Variants in LGSN observed in about 807,000 individuals in gnomAD.
LGSN encodes lengsin, lens protein with glutamine synthetase domain, also known as lengsin.
LGSN carries 21 observed loss-of-function variants against 19.5 expected under a neutral mutation model. The ratio of observed to expected loss-of-function variants is 1.07; its 90% CI spans 0.76 to 1.55. LGSN has a LOEUF of 1.55. Ranked by LOEUF, LGSN falls within the 40% of genes most tolerant of loss-of-function variation. The probability of loss-of-function intolerance (pLI) is 0.00; values close to 1 mark genes in which losing one functional copy is unlikely to be tolerated. For missense variants in LGSN, 673 were observed against 608.5 expected (o/e 1.11, Z -1.12); for synonymous variants, 257 against 215.6 (o/e 1.19, Z -1.68).
At chr6:63,513,932 A>C in the LGSN span, among the ~76,000 whole-genome samples, 7,233 of 114,270 alleles carry the variant, frequency 0.063, 1,420 homozygotes, top group African/African-American at 0.17. Flanking sequence ...AAAAAAAAAA[A>C]AAAACACTGG....
the LGSN span, among the ~76,000 whole-genome samples, chr6:63,510,775 G>A: frequency 6.8e-6 from 1 of 147,540 alleles, no homozygotes; most frequent in African/African-American, 2.5e-5. Flanking sequence ...CTGGATTCAA[G>A]TGATTCTCCT....
At chr6:63,364,660 T>C in the LGSN span, among the ~76,000 whole-genome samples, 2 of 152,200 alleles carry the variant, frequency 1.3e-5, no homozygotes, top group Non-Finnish European at 2.9e-5. Context: ...CTCACACTTA[T>C]TCCAAAATTG....
At chr6:63,473,318 CA>C in the LGSN span, among the ~76,000 whole-genome samples, 5 of 150,596 alleles carry the variant, frequency 3.3e-5, no homozygotes, top group African/African-American at 9.8e-5. Flanking sequence ...ACTAAAAACA[CA>C]AAAAATTAGC....
At chr6:63,362,205 T>A in the LGSN span, among the ~76,000 whole-genome samples, 1 of 152,056 alleles carries the variant, frequency 6.6e-6, no homozygotes. Context: ...TACTCTAAAA[T>A]CACAATTAAA....
the LGSN span, among the ~76,000 whole-genome samples, chr6:63,334,745 C>G: frequency 1.4e-4 from 21 of 152,130 alleles, no homozygotes; most frequent in African/African-American, 4.8e-4. Context: ...CAGCATGGTT[C>G]TGGTATAAAA....
chr6:63,450,273 A>C, the LGSN span, among the ~76,000 whole-genome samples: 1 of 151,856 alleles, frequency 6.6e-6, no homozygotes, highest in Non-Finnish European at 1.5e-5. Flanking sequence ...GAGGCAGGAG[A>C]ATCGCTTGAA....
the LGSN span, among the ~76,000 whole-genome samples, chr6:63,488,243 C>A: frequency 6.6e-6 from 1 of 152,100 alleles, no homozygotes; most frequent in Non-Finnish European, 1.5e-5. Flanking sequence ...ATACCTACTA[C>A]TGTGTTAAGT....
the LGSN span, among the ~76,000 whole-genome samples, chr6:63,410,737 C>T: frequency 3.1e-4 from 47 of 152,286 alleles, no homozygotes; most frequent in African/African-American, 1.1e-3. Context: ...GAACCTATGA[C>T]ATGTGTTTTA....
At chr6:63,308,841 A>T (rs1768508107) in intron 1 of LGSN, among the ~76,000 whole-genome samples, 1 of 152,240 alleles carries the variant, frequency 6.6e-6, no homozygotes, top group South Asian at 2.1e-4. Flanking sequence ...ATGTGCCTTC[A>T]GTTACCTTTA....
At chr6:63,391,086 T>C in the LGSN span, among the ~76,000 whole-genome samples, 3 of 152,176 alleles carry the variant, frequency 2.0e-5, no homozygotes, top group Non-Finnish European at 4.4e-5. Flanking sequence ...AGATCTCAAA[T>C]AGCTCTAATA....
intron 3 of LGSN, 55 bp from the exon 4 acceptor site, chr6:63,281,275 G>T: frequency 7.8e-7 from 1 of 1,278,354 alleles, no homozygotes; most frequent in Non-Finnish European, 1.0e-6. Flanking sequence ...AAAAGGGTCG[G>T]GGGGCGGCGG....
At chr6:63,559,204 TATAA>T in the LGSN span, among the ~76,000 whole-genome samples, 1 of 152,190 alleles carries the variant, frequency 6.6e-6, no homozygotes, top group East Asian at 1.9e-4. Flanking sequence ...AAAAATATCT[TATAA>T]ATACTCCCTT....
intron 1 of LGSN, among the ~76,000 whole-genome samples, chr6:63,318,842 A>C (rs1019177694): frequency 6.6e-6 from 1 of 152,210 alleles, no homozygotes; most frequent in Non-Finnish European, 1.5e-5. Context: ...ATAGTTAGAA[A>C]TCAAAATCCC....
chr6:63,553,670 C>T, the LGSN span, among the ~76,000 whole-genome samples: 1 of 152,030 alleles, frequency 6.6e-6, no homozygotes, highest in South Asian at 2.1e-4. Context: ...TGCATTATCA[C>T]TGATTAGGTT....
the LGSN span, among the ~76,000 whole-genome samples, chr6:63,434,239 G>T: frequency 6.6e-6 from 1 of 151,990 alleles, no homozygotes; most frequent in East Asian, 1.9e-4. Context: ...AGGAGTCCGA[G>T]CCCAGCCTGG....
chr6:63,427,343 C>T, the LGSN span, among the ~76,000 whole-genome samples: 1 of 152,078 alleles, frequency 6.6e-6, no homozygotes, highest in Non-Finnish European at 1.5e-5. Flanking sequence ...CATGCCCGGC[C>T]TCCCTCTTTT....
chr6:63,547,997 A>T, the LGSN span, among the ~76,000 whole-genome samples: 6 of 152,104 alleles, frequency 3.9e-5, no homozygotes. Flanking sequence ...ATTCTTTCAC[A>T]ATCAGGAACT....
rs1364211203 is a variant in LGSN at position 63,278,094 on chromosome 6, C to CAAGAA, written c.*1922_*1926dup. On this transcript the variant is annotated 3_prime_UTR_variant, in exon 4 of 4. Transcript: ENST00000370657. ...CCATCTCGGAAAAAAAAAAAAAATA[C>CAAGAA]AAGAAAAGAAAAGAAAATGTCCTAA... 1 of 149,534 alleles carries CAAGAA rather than the reference C, an allele frequency of 6.7e-6. No individual in the cohort carries two copies. Among genetic ancestry groups the CAAGAA allele is most frequent in the Non-Finnish European group, 1.5e-5 (1 of 67,590 alleles). The allele number at this position is 149,534 out of a possible 1,614,324, so 9.3% of individuals were successfully genotyped here. A position where few individuals can be genotyped will look rare whatever the true frequency, so the allele number is the denominator to read the frequency against.
At chr6:63,320,267 A>T (rs1237735780), upstream of LGSN, among the ~76,000 whole-genome samples, 1 of 152,190 alleles carries the variant, frequency 6.6e-6, no homozygotes, top group African/African-American at 2.4e-5. Context: ...TTACATAACA[A>T]TTGTATTCTG....
Sources: gnomAD v4.1 joint callset for allele counts (sites outside exome capture counted in the v4.1 genomes callset) on GRCh38, gnomAD v4.1.1 for gene constraint, MANE v1.5 for transcripts, NCBI Gene and HGNC (gene_info 2026-07-23, HGNC 2026-07-21) for gene names.